PRPF38B: variants seen among roughly 807,000 people sequenced by gnomAD.
PRPF38B encodes pre-mRNA processing factor 38B, also known as pre-mRNA-splicing factor 38B.
A neutral mutation model predicts 67.2 loss-of-function variants in PRPF38B; 18 were observed. That is an observed-to-expected ratio of 0.27 (90% CI 0.19 to 0.40). PRPF38B has a LOEUF of 0.40. Ranked by LOEUF, PRPF38B falls within the 10% of genes least tolerant of loss-of-function variation. The pLI is 1.00. For missense variants in PRPF38B, 544 were observed against 684.9 expected (o/e 0.79, Z 2.30); for synonymous variants, 246 against 234.2 (o/e 1.05, Z -0.46).
rs1198395400 is a variant in PRPF38B, at chr1:108,696,787, A to C, written c.558+450A>C. On this transcript the variant is annotated intron_variant, in intron 4 of 5. Coordinates refer to ENST00000370025, the MANE Select transcript of PRPF38B (RefSeq NM_018061.4). Reference sequence around the variant, plus strand: ...CAAATATCAGTATTCCCACTTGCATAGAAGTGCAGAATTGAAGAGTTGGGT... The same window carrying C: ...CAAATATCAGTATTCCCACTTGCATCGAAGTGCAGAATTGAAGAGTTGGGT... The C allele has an allele frequency of 2.4e-5, 17 of 715,844 alleles. 1 individual carries two copies. Among genetic ancestry groups the C allele is most frequent in the South Asian group, 2.2e-4 (15 of 67,340 alleles). 44.3% of individuals were successfully genotyped at this position (715,844 alleles called of 1,614,324 possible). A position where few individuals can be genotyped will look rare whatever the true frequency, so the allele number is the denominator to read the frequency against.
At position 108,692,689 on chromosome 1, in the gene PRPF38B, G is replaced by C. The variant is rs752534248; in HGVS notation, c.98G>C (p.Gly33Ala). The change falls in exon 1 of 6, where the codon GGC (glycine) becomes GCC (alanine). Residue 33 changes from glycine (G) to alanine (A), a missense_variant. By Grantham distance (60) the Gly-to-Ala change is moderately conservative. Coordinates refer to ENST00000370025, the MANE Select transcript of PRPF38B (RefSeq NM_018061.4). ...CAACAGCAGCAGTGCGGCGGCGGCG[G>C]CGCTACCAAGCCGGCGGTCTCCGGC... The part of the protein sequence containing the change: ...AQQQQQCGGG[G>A]ATKPAVSGKQ... 2 of 1,613,060 alleles carry C rather than the reference G, an allele frequency of 1.2e-6. No homozygotes were observed. Among genetic ancestry groups the C allele is most frequent in the South Asian group, 1.1e-5 (1 of 91,086 alleles).
Position 108,699,629 on chromosome 1 carries a change from G to T in PRPF38B, c.1250G>T (p.Arg417Ile). ...GATAGGCGGCACAGAGATGACAAAA[G>T]AGATTCCAAGAAAGAGAAAAAACAC... is the stretch of plus-strand genomic sequence containing the variant. ...KDDRRHRDDK[R>I]DSKKEKKHSR... Residue 417 changes from arginine (R) to isoleucine (I), a missense_variant, in exon 6 of 6, where the codon AGA becomes ATA. By Grantham distance (97) the Arg-to-Ile change is moderately conservative. Coordinates refer to ENST00000370025, the MANE Select transcript of PRPF38B (RefSeq NM_018061.4). The T allele has an allele frequency of 6.4e-7, 1 of 1,556,772 alleles. No homozygotes were observed. Among genetic ancestry groups the T allele is most frequent in the Non-Finnish European group, 8.7e-7 (1 of 1,150,014 alleles).
chr1:108,693,969 A>AT (rs1659601010), intron 1 of PRPF38B, among the ~76,000 whole-genome samples: 1 of 152,226 alleles, frequency 6.6e-6, no homozygotes, highest in Admixed American at 6.5e-5. Flanking sequence ...ATTTGAACGT[A>AT]TGTGTAGAGA....
Position 108,702,431 on chromosome 1 carries a change from C to A in PRPF38B, c.*2411C>A, listed in dbSNP as rs764633057. ...GAGCCACCACTCCAGTCCCTTCTTA[C>A]GATTTTTAAATATGTTTGCTTTTGA... On this transcript the variant is annotated 3_prime_UTR_variant, in exon 6 of 6. Coordinates refer to ENST00000370025, the MANE Select transcript of PRPF38B (RefSeq NM_018061.4). Among the ~76,000 whole-genome samples the A allele has an allele frequency of 6.6e-6, 1 of 152,008 alleles. No individual in the cohort carries two copies. Among genetic ancestry groups the A allele is most frequent in the Non-Finnish European group, 1.5e-5 (1 of 68,000 alleles).
At chr1:108,694,957 C>T (rs1190381147) in intron 1 of PRPF38B, among the ~76,000 whole-genome samples, 1 of 152,092 alleles carries the variant, frequency 6.6e-6, no homozygotes, top group East Asian at 1.9e-4. Flanking sequence ...ACTATTCACA[C>T]TCAGTTTTTG....
intron 1 of PRPF38B, chr1:108,693,651 TA>T: frequency 1.0e-6 from 1 of 971,186 alleles, no homozygotes; most frequent in African/African-American, 1.8e-5. Context: ...AGGTATGCAC[TA>T]TTAATCATGC....
At chr1:108,694,101 C>A (rs1659616857) in intron 1 of PRPF38B, among the ~76,000 whole-genome samples, 1 of 152,188 alleles carries the variant, frequency 6.6e-6, no homozygotes, top group African/African-American at 2.4e-5. Context: ...GAATACAGTT[C>A]AACTTTGGGT....
Position 108,699,990 on chromosome 1 carries a change from ACAG to A in PRPF38B, c.1614_1616del (p.Gln538del). ...GTATAGAACAAGAGAGCCAAGAAAA[ACAG>A]CATAAAAACAAAGATGAGACTGTGT... On this transcript the variant is annotated inframe_deletion, in exon 6 of 6. Coordinates refer to ENST00000370025, the MANE Select transcript of PRPF38B (RefSeq NM_018061.4). 3.1e-6 allele frequency: 5 copies of A among 1,591,996 alleles called. No individual in the cohort carries two copies. The highest frequency in any genetic ancestry group is 4.3e-6 in the Non-Finnish European group (5 of 1,173,576).
chr1:108,692,467 GCGAGGCGGCCCCTTCTCC>G lies in PRPF38B; in HGVS notation c.-121_-104del. ...CCCTCTCTTGCCCAGCTGGGGCACA[GCGAGGCGGCCCCTTCTCC>G]CGACGACGTTCGATGGAGTAGGGTC... is the stretch of plus-strand genomic sequence containing the variant. On this transcript the variant is annotated 5_prime_UTR_variant, in exon 1 of 6. Coordinates refer to ENST00000370025, the MANE Select transcript of PRPF38B (RefSeq NM_018061.4). 8.5e-7 allele frequency: 1 copy of G among 1,172,340 alleles called. No individual in the cohort carries two copies. Among genetic ancestry groups the G allele is most frequent in the Non-Finnish European group, 1.2e-6 (1 of 860,226 alleles). The allele number at this position is 1,172,340 out of a possible 1,614,324, so 72.6% of individuals were successfully genotyped here.
chr1:108,693,259 T>C (rs1369552227), intron 1 of PRPF38B, among the ~76,000 whole-genome samples: 1 of 151,996 alleles, frequency 6.6e-6, no homozygotes, highest in Non-Finnish European at 1.5e-5. Flanking sequence ...CGCTCACCCC[T>C]GGCCAGGGCG....
At chr1:108,698,268 A>G (rs1326290053) in intron 4 of PRPF38B, 1 of 199,272 alleles carries the variant, frequency 5.0e-6, no homozygotes, top group African/African-American at 2.3e-5. Flanking sequence ...GTGTGCAAAT[A>G]TGTCCACAGA....
In PRPF38B at chr1:108,699,972, A is replaced by G; in HGVS notation, c.1593A>G (p.Glu531=). 2 of 1,594,716 alleles carry G rather than the reference A, an allele frequency of 1.3e-6. No individual in the cohort carries two copies. Among genetic ancestry groups the G allele is most frequent in the Non-Finnish European group, 1.7e-6 (2 of 1,175,078 alleles). ...KHDRRRSQSI[E]QESQEKQHKN... ...ATCGTCGAAGGAGCCAAAGTATAGA[A>G]CAAGAGAGCCAAGAAAAACAGCATA... is the stretch of plus-strand genomic sequence containing the variant. Residue 531 remains glutamate (E), a synonymous_variant, in exon 6 of 6, where the codon GAA becomes GAG. Coordinates refer to ENST00000370025, the MANE Select transcript of PRPF38B (RefSeq NM_018061.4).
intron 4 of PRPF38B, chr1:108,697,538 C>CTTTT (rs34770110): frequency 5.5e-5 from 8 of 146,068 alleles, no homozygotes; most frequent in African/African-American, 2.1e-4. Context: ...TTATTTTTCT[C>CTTTT]TTTTTTTTTT....
intron 1 of PRPF38B, among the ~76,000 whole-genome samples, chr1:108,693,162 G>C (rs1364946280): frequency 1.3e-5 from 2 of 152,232 alleles, no homozygotes; most frequent in African/African-American, 2.4e-5. Context: ...GAGGAGGAAA[G>C]AGTAACAGAA....
rs1488360543 is a variant in PRPF38B at position 108,692,448 on chromosome 1, C to T, written c.-144C>T. 3 of 1,018,852 alleles carry T rather than the reference C, an allele frequency of 2.9e-6. No homozygotes were observed. The highest frequency in any genetic ancestry group is 1.4e-6 in the Non-Finnish European group (1 of 720,896). The allele number at this position is 1,018,852 out of a possible 1,614,324, so 63.1% of individuals were successfully genotyped here. A position where few individuals can be genotyped will look rare whatever the true frequency, so the allele number is the denominator to read the frequency against. ...ATTTTGTCGGCGTCGGGTGCCCTCT[C>T]TTGCCCAGCTGGGGCACAGCGAGGC... On this transcript the variant is annotated 5_prime_UTR_variant, in exon 1 of 6. Coordinates refer to ENST00000370025, the MANE Select transcript of PRPF38B (RefSeq NM_018061.4).
chr1:108,693,010 T>G, intron 1 of PRPF38B, 143 bp downstream of exon 1: 1 of 1,079,868 alleles, frequency 9.3e-7, no homozygotes, highest in Non-Finnish European at 1.3e-6. Flanking sequence ...GCCTGTAGTG[T>G]GTCTGGGAGG....
At chr1:108,693,173 G>A (rs748347708) in intron 1 of PRPF38B, among the ~76,000 whole-genome samples, 19 of 152,220 alleles carry the variant, frequency 1.2e-4, no homozygotes, top group Admixed American at 7.2e-4. Flanking sequence ...AGTAACAGAA[G>A]CCTTTCCAGT....
rs1660524569 is a variant in PRPF38B, at chr1:108,701,797, C to T, written c.*1777C>T. The T allele has an allele frequency of 6.6e-6, 1 of 152,164 alleles. No homozygotes were observed. Among genetic ancestry groups the T allele is most frequent in the African/African-American group, 2.4e-5 (1 of 41,438 alleles). The allele number at this position is 152,164 out of a possible 1,614,324, so 9.4% of individuals were successfully genotyped here. A position where few individuals can be genotyped will look rare whatever the true frequency, so the allele number is the denominator to read the frequency against. On this transcript the variant is annotated 3_prime_UTR_variant, in exon 6 of 6. Transcript: ENST00000370025. The stretch of plus-strand genomic sequence containing the variant: ...GAAAAATCTCATTAAATGAATTCTT[C>T]TAAAAATGATATGCTTTTTTCTTTT...
At chr1:108,692,963 G>A (rs1659467075) in intron 1 of PRPF38B, 96 bp downstream of exon 1, 6 of 1,471,220 alleles carry the variant, frequency 4.1e-6, no homozygotes, top group Non-Finnish European at 5.5e-6. Context: ...GAAGATTTGT[G>A]GGTGGGGGAA....
Sources: gnomAD v4.1 joint callset for allele counts (sites outside exome capture counted in the v4.1 genomes callset) on GRCh38, gnomAD v4.1.1 for gene constraint, MANE v1.5 for transcripts, NCBI Gene and HGNC (gene_info 2026-07-23, HGNC 2026-07-21) for gene names.